The following HS3ST2 variants were observed in gnomAD, a reference collection of about 807,000 sequenced individuals.
HS3ST2 encodes the protein heparan sulfate-glucosamine 3-sulfotransferase 2, also known as heparan sulfate glucosamine 3-O-sulfotransferase 2.
A neutral mutation model predicts 26.3 loss-of-function variants in HS3ST2; 17 were observed. The ratio of observed to expected loss-of-function variants is 0.65; its 90% CI spans 0.44 to 0.97. The LOEUF (loss-of-function observed/expected upper bound fraction) is 0.97. Ranked by LOEUF, HS3ST2 falls within the 50% of genes least tolerant of loss-of-function variation. The probability of loss-of-function intolerance (pLI) is 0.00; values close to 1 mark genes in which losing one functional copy is unlikely to be tolerated. For synonymous variants in HS3ST2, 237 were observed against 219.2 expected (o/e 1.08, Z -0.72); for missense variants, 402 against 501.2 (o/e 0.80, Z 1.89).
At chr16:22,833,429 G>A (rs1901205904) in intron 1 of HS3ST2, 2 of 425,158 alleles carry the variant, frequency 4.7e-6, no homozygotes, top group African/African-American at 4.1e-5. Context: ...AGCACGTATA[G>A]CTGGAGAAGA....
intron 1 of HS3ST2, among the ~76,000 whole-genome samples, chr16:22,824,284 C>G (rs10083734): frequency 6.6e-6 from 1 of 152,142 alleles, no homozygotes; most frequent in Non-Finnish European, 1.5e-5. Flanking sequence ...CGTGGTGGCT[C>G]ATGCCTGTAA....
At chr16:22,849,743 T>C (rs1294918456) in intron 1 of HS3ST2, among the ~76,000 whole-genome samples, 2 of 152,304 alleles carry the variant, frequency 1.3e-5, no homozygotes, top group South Asian at 2.1e-4. Flanking sequence ...ACACAAACTA[T>C]ACCATTGTGC....
intron 1 of HS3ST2, among the ~76,000 whole-genome samples, chr16:22,866,061 C>T (rs960825819): frequency 6.6e-6 from 1 of 152,096 alleles, no homozygotes; most frequent in African/African-American, 2.4e-5. Context: ...CTGACTGGTT[C>T]CTTACATTAT....
At chr16:22,862,361 T>C (rs1000248221) in intron 1 of HS3ST2, among the ~76,000 whole-genome samples, 2 of 151,332 alleles carry the variant, frequency 1.3e-5, no homozygotes, top group African/African-American at 2.4e-5. Flanking sequence ...TGTGGATCTG[T>C]TGAAGTGGTT....
At chr16:22,876,352 C>A (rs750744019) in intron 1 of HS3ST2, among the ~76,000 whole-genome samples, 39 of 152,046 alleles carry the variant, frequency 2.6e-4, no homozygotes, top group Non-Finnish European at 4.1e-4. Flanking sequence ...TGAAAAAATT[C>A]TCATCATCAC....
At chr16:22,866,630 G>A (rs562873452) in intron 1 of HS3ST2, among the ~76,000 whole-genome samples, 5 of 151,870 alleles carry the variant, frequency 3.3e-5, no homozygotes, top group African/African-American at 7.2e-5. Context: ...GCAAGACCCC[G>A]TCTCTACAAA....
intron 1 of HS3ST2, among the ~76,000 whole-genome samples, chr16:22,853,664 C>A (rs187679562): frequency 1.3e-5 from 2 of 152,138 alleles, no homozygotes. Context: ...GAAGGTGCCA[C>A]GGAAGTCAGC....
intron 1 of HS3ST2, among the ~76,000 whole-genome samples, chr16:22,892,044 G>C (rs994474370): frequency 6.6e-6 from 1 of 151,652 alleles, no homozygotes; most frequent in Admixed American, 6.6e-5. Flanking sequence ...GGAGGCCGAG[G>C]CAGGTGGATC....
At chr16:22,898,631 C>T (rs952964189) in intron 1 of HS3ST2, among the ~76,000 whole-genome samples, 1 of 152,130 alleles carries the variant, frequency 6.6e-6, no homozygotes, top group African/African-American at 2.4e-5. Context: ...CAAATGCCTT[C>T]CAGAACTGAC....
In HS3ST2 at chr16:22,814,384, AT is replaced by A. The variant is rs1900818254; in HGVS notation, c.-226del. On this transcript the variant is annotated 5_prime_UTR_variant, in exon 1 of 2. The change abolishes an upstream ATG in the 5' untranslated region. Transcript: ENST00000261374. The stretch of plus-strand genomic sequence containing the variant: ...GAGCCCCATCGCCTAGGACCGGGAG[AT>A]GCTGGAAATGCAACCGCCTGTTCCC... 2.2e-6 allele frequency: 1 copy of A among 451,832 alleles called. No individual in the cohort carries two copies. The highest frequency in any genetic ancestry group is 3.8e-6 in the Non-Finnish European group (1 of 260,410). 28.0% of individuals were successfully genotyped at this position (451,832 alleles called of 1,614,324 possible). A position where few individuals can be genotyped will look rare whatever the true frequency, so the allele number is the denominator to read the frequency against.
intron 1 of HS3ST2, among the ~76,000 whole-genome samples, chr16:22,826,438 A>C (rs1311675868): frequency 6.6e-6 from 1 of 151,916 alleles, no homozygotes; most frequent in Non-Finnish European, 1.5e-5. Context: ...AGGCTGGCTC[A>C]CCTCCTCACC....
intron 1 of HS3ST2, among the ~76,000 whole-genome samples, chr16:22,904,322 C>T (rs1902320885): frequency 6.6e-6 from 1 of 152,194 alleles, no homozygotes; most frequent in Non-Finnish European, 1.5e-5. Flanking sequence ...TCAATAAACG[C>T]TTGTCTCATG....
chr16:22,815,357 G>T (rs760892443), intron 1 of HS3ST2, among the ~76,000 whole-genome samples: 1 of 152,192 alleles, frequency 6.6e-6, no homozygotes, highest in Non-Finnish European at 1.5e-5. Flanking sequence ...AAACCTAAGT[G>T]CCAGCTAAAG....
intron 1 of HS3ST2, among the ~76,000 whole-genome samples, chr16:22,826,554 C>T (rs1281581642): frequency 1.3e-5 from 2 of 152,188 alleles, no homozygotes; most frequent in African/African-American, 4.8e-5. Flanking sequence ...TCCCCACTAG[C>T]CTGAAAACTC....
intron 1 of HS3ST2, among the ~76,000 whole-genome samples, chr16:22,819,931 A>AT (rs1900963034): frequency 6.6e-6 from 1 of 152,272 alleles, no homozygotes; most frequent in African/African-American, 2.4e-5. Context: ...GCCTCCTGCC[A>AT]TGACGTAGTT....
intron 1 of HS3ST2, among the ~76,000 whole-genome samples, chr16:22,910,037 C>CAAAAAAAA (rs774757407): frequency 4.1e-5 from 4 of 97,026 alleles, no homozygotes; most frequent in Non-Finnish European, 6.1e-5. Context: ...AACTCCATCT[C>CAAAAAAAA]AAAAAAAAAA....
At chr16:22,837,681 G>T (rs1184705510) in intron 1 of HS3ST2, among the ~76,000 whole-genome samples, 3 of 150,886 alleles carry the variant, frequency 2.0e-5, no homozygotes, top group Non-Finnish European at 4.4e-5. Context: ...TAAAGTTTAA[G>T]CTTCAAATTA....
At chr16:22,869,795 A>G (rs1901807468) in intron 1 of HS3ST2, among the ~76,000 whole-genome samples, 1 of 152,166 alleles carries the variant, frequency 6.6e-6, no homozygotes, top group South Asian at 2.1e-4. Context: ...CAGCCAAACC[A>G]TATCAAAAAC....
At chr16:22,896,123 A>G in intron 1 of HS3ST2, among the ~76,000 whole-genome samples, 1 of 152,044 alleles carries the variant, frequency 6.6e-6, no homozygotes, top group East Asian at 1.9e-4. Flanking sequence ...TATCTTTTTT[A>G]AAAGCATAAT....
Sources: allele counts gnomAD v4.1 joint callset (sites outside exome capture counted in the v4.1 genomes callset), GRCh38; gene constraint gnomAD v4.1.1; transcripts MANE v1.5; gene names NCBI Gene and HGNC (gene_info 2026-07-23, HGNC 2026-07-21).